Variants in KIF19 observed in about 807,000 individuals in gnomAD.
KIF19 encodes the protein kinesin-like protein KIF19.
KIF19 carries 98 observed loss-of-function variants against 106.6 expected under a neutral mutation model. The ratio of observed to expected loss-of-function variants is 0.92; its 90% confidence interval spans 0.78 to 1.09. KIF19 has a LOEUF of 1.09. Ranked by LOEUF, KIF19 falls within the 50% of genes least tolerant of loss-of-function variation. The pLI, the probability that KIF19 is intolerant of heterozygous loss-of-function variation, is 0.00. For missense variants in KIF19, 1,373 were observed against 1,414.3 expected, an observed-to-expected ratio of 0.97 and a Z score of 0.47; for synonymous variants, 516 against 584.2, an observed-to-expected ratio of 0.88 and a Z score of 1.68.
At chr17:74,333,779 C>T (rs535340155) in intron 2 of KIF19, among the ~76,000 whole-genome samples, 6 of 151,584 alleles carry the variant, frequency 4.0e-5, no homozygotes, top group Admixed American at 1.3e-4. Context: ...CTGTGCCTGG[C>T]TGGTCCTAAT....
intron 7 of KIF19, among the ~76,000 whole-genome samples, chr17:74,345,478 C>T (rs1232729507): frequency 1.3e-5 from 2 of 152,122 alleles, no homozygotes; most frequent in East Asian, 3.9e-4. Context: ...TCTTTGTCCC[C>T]TCTCATGAAG....
In KIF19 at chr17:74,351,957, C is replaced by T. The variant is rs749841125; in HGVS notation, c.1678C>T (p.Arg560Cys). The T allele has an allele frequency of 4.6e-5, 70 of 1,506,330 alleles. No individual in the cohort carries two copies. The highest frequency in any genetic ancestry group is 2.8e-4 in the South Asian group (23 of 80,912). 93.3% of individuals were successfully genotyped at this position (1,506,330 alleles called of 1,614,324 possible). A position where few individuals can be genotyped will look rare whatever the true frequency, so the allele number is the denominator to read the frequency against. ...GCGGCGCATCGGCTCCGAGGAGCAG[C>T]GCGAGGTGCTCAGCCTGCTGTGCCG... ...LPRRIGSEEQ[R>C]EVLSLLCRVH... The change falls in exon 13 of 20, where the codon CGC (arginine) becomes TGC (cysteine). Residue 560 changes from arginine to cysteine, a missense_variant. Arg to Cys is a radical substitution (Grantham distance 180). Transcript: ENST00000389916.
Position 74,343,167 on chromosome 17 carries a change from C to T in KIF19, c.456+7C>T. ...CTCCATGTCCTACCTGGAGGTGAGT[C>T]CCCCAGCCTAGGCTCAGATGGGGCT... On this transcript the variant is annotated splice_region_variant and intron_variant, in intron 5 of 19. Coordinates refer to ENST00000389916, the MANE Select transcript of KIF19 (RefSeq NM_153209.4). 1 of 1,611,304 alleles carries T rather than the reference C, an allele frequency of 6.2e-7. No homozygotes were observed. The highest frequency in any genetic ancestry group is 8.5e-7 in the Non-Finnish European group (1 of 1,179,432).
At chr17:74,352,480 T>C (rs1028706226) in intron 14 of KIF19, 140 bp downstream of exon 14, 2 of 1,134,686 alleles carry the variant, frequency 1.8e-6, no homozygotes, top group Admixed American at 5.7e-5. Flanking sequence ...CTTTCCTTCT[T>C]ACCCCACCCA....
intron 2 of KIF19, among the ~76,000 whole-genome samples, chr17:74,332,159 G>A (rs553007348): frequency 4.7e-5 from 7 of 148,974 alleles, no homozygotes; most frequent in East Asian, 2.0e-4. Flanking sequence ...CACTCAGGAC[G>A]GTTCCCAAAT....
rs116883562 is a variant in KIF19, at chr17:74,346,464, C to G, written c.864C>G (p.Ser288Arg). The G allele has an allele frequency of 2.6e-6, 4 of 1,556,202 alleles. No individual in the cohort carries two copies. The highest frequency in any genetic ancestry group is 2.7e-5 in the African/African-American group (2 of 73,158). The part of the protein sequence containing the change: ...LALGNCINAL[S>R]DKGSNKYINY... ...TGGGCAACTGCATCAACGCCCTGAGCGACAAGGGTAGCAACAAGTACATCA... is the reference window on the plus strand; with the variant it reads ...TGGGCAACTGCATCAACGCCCTGAGGGACAAGGGTAGCAACAAGTACATCA... Residue 288 changes from serine (S) to arginine (R), a missense_variant, in exon 8 of 20, where the codon AGC (serine) becomes AGG (arginine). This residue lies in a region of KIF19 where 1,020 missense variants were observed against 1,008.2 expected (regional missense o/e 1.01). Transcript: ENST00000389916. This position sits in a 1 kb window ranked among gnomAD's most constrained non-coding sequence, Gnocchi z 4.6.
In KIF19 at chr17:74,354,838, C is replaced by T. The variant is rs1187131452; in HGVS notation, c.2763C>T (p.Asp921=). The change falls in exon 19 of 20, where the codon GAC becomes GAT. Residue 921 remains aspartate (D), a synonymous_variant. Coordinates refer to ENST00000389916, the MANE Select transcript of KIF19 (RefSeq NM_153209.4). ...LGPHQAERIS[D]HRMPVCRHPA... ...CCCATCAGGCGGAGCGCATCTCGGA[C>T]CACAGGATGCCAGTGTGCAGGCACC... 3 of 1,561,152 alleles carry T rather than the reference C, an allele frequency of 1.9e-6. No individual in the cohort carries two copies. The highest frequency in any genetic ancestry group is 2.6e-6 in the Non-Finnish European group (3 of 1,153,026).
intron 2 of KIF19, among the ~76,000 whole-genome samples, chr17:74,339,199 G>T (rs2054292564): frequency 6.6e-6 from 1 of 152,018 alleles, no homozygotes; most frequent in African/African-American, 2.4e-5. Flanking sequence ...ACCCCACAAG[G>T]CCCCTCGTGG....
At chr17:74,332,895 G>A (rs1052343432) in intron 2 of KIF19, among the ~76,000 whole-genome samples, 1 of 152,226 alleles carries the variant, frequency 6.6e-6, no homozygotes, top group Non-Finnish European at 1.5e-5. Flanking sequence ...CTCTCCCTGG[G>A]CCTCTGCTTC....
At chr17:74,342,975 C>T in intron 4 of KIF19, 49 bp from the exon 5 acceptor site, 1 of 1,535,886 alleles carries the variant, frequency 6.5e-7, no homozygotes, top group Non-Finnish European at 8.8e-7. Context: ...CCCAGCAAGG[C>T]CTCCCTCCCA....
Position 74,344,139 on chromosome 17 carries a change from C to T in KIF19, c.457-84C>T, listed in dbSNP as rs1057443622. 39 of 1,325,446 alleles carry T rather than the reference C, an allele frequency of 2.9e-5. No homozygotes were observed. In the Middle Eastern group the frequency reaches 7.5e-4, roughly 26 times the overall value. The allele number at this position is 1,325,446 out of a possible 1,614,324, so 82.1% of individuals were successfully genotyped here. ...GGTGAACTCTTGTCCCTTTCCTGCA[C>T]GAAAGGAAAGGGGACTCAGCCCTGG... On this transcript the variant is annotated intron_variant, in intron 5 of 19. Transcript: ENST00000389916.
chr17:74,340,621 G>A (rs371407774), intron 2 of KIF19, among the ~76,000 whole-genome samples: 5 of 151,912 alleles, frequency 3.3e-5, no homozygotes, highest in African/African-American at 9.7e-5. Flanking sequence ...GCTGGGATTG[G>A]CCCACCCATG....
Position 74,344,820 on chromosome 17 carries a change from C to A in KIF19, c.642C>A (p.Asn214Lys), listed in dbSNP as rs774170996. The stretch of plus-strand genomic sequence containing the variant: ...GGACCCAGGAGCCCACGGCCGCCAA[C>A]CAGACGTCCTCCCGCTCCCACGCGG... Reference protein sequence around the residue: ...RQRTQEPTAANQTSSRSHAVL... With the variant: ...RQRTQEPTAAKQTSSRSHAVL... Residue 214 changes from asparagine to lysine, a missense_variant, in exon 7 of 20, where the codon AAC becomes AAA. Around this residue, in one of 3 missense-constraint regions of KIF19, gnomAD observed 348 missense variants for 389.5 expected, o/e 0.89. Coordinates refer to ENST00000389916, the MANE Select transcript of KIF19 (RefSeq NM_153209.4). 6.2e-7 allele frequency: 1 copy of A among 1,612,400 alleles called. No homozygotes were observed. The highest frequency in any genetic ancestry group is 1.1e-5 in the South Asian group (1 of 91,064).
At position 74,354,876 on chromosome 17, in the gene KIF19, T is replaced by C; in HGVS notation, c.2801T>C (p.Ile934Thr). ...MPVCRHPAPG[I>T]RHLGKVTLPL... ...GTGTGCAGGCACCCAGCCCCTGGTATCCGGCATCTGGGAAAGGTCACGCTA... is the reference window on the plus strand; with the variant it reads ...GTGTGCAGGCACCCAGCCCCTGGTACCCGGCATCTGGGAAAGGTCACGCTA... The change falls in exon 19 of 20, where the codon ATC becomes ACC. Residue 934 changes from isoleucine (I) to threonine (T), a missense_variant. Ile to Thr is a moderately conservative substitution (Grantham distance 89). Coordinates refer to ENST00000389916, the MANE Select transcript of KIF19 (RefSeq NM_153209.4). 1 of 1,567,932 alleles carries C rather than the reference T, an allele frequency of 6.4e-7. No individual in the cohort carries two copies. Among genetic ancestry groups the C allele is most frequent in the Non-Finnish European group, 8.6e-7 (1 of 1,156,812 alleles).
chr17:74,354,359 A>G lies in KIF19; in HGVS notation c.2506A>G (p.Thr836Ala). The change falls in exon 18 of 20, where the codon ACA becomes GCA. Residue 836 changes from threonine (T) to alanine (A), a missense_variant. Thr to Ala is a moderately conservative substitution (Grantham distance 58, BLOSUM62 0). Around this residue, in one of 3 missense-constraint regions of KIF19, gnomAD observed 1,020 missense variants for 1,008.2 expected, o/e 1.01. Transcript: ENST00000389916. ...PLACKRPPSP[T>A]LQHAASEDNL... ...GGCCTGCAAGCGGCCGCCCAGCCCC[A>G]CACTACAGCATGCTGCCAGTGAGGA... is the stretch of plus-strand genomic sequence containing the variant. 6.2e-7 allele frequency: 1 copy of G among 1,607,160 alleles called. No homozygotes were observed. The highest frequency in any genetic ancestry group is 8.5e-7 in the Non-Finnish European group (1 of 1,177,454).
At chr17:74,342,518 G>A in intron 3 of KIF19, 112 bp from the exon 4 acceptor site, 1 of 774,696 alleles carries the variant, frequency 1.3e-6, no homozygotes, top group Non-Finnish European at 2.2e-6. Context: ...TTATCTTGGG[G>A]CTGGGGCTCC....
rs756006087 is a variant in KIF19, at chr17:74,354,225, G to A, written c.2372G>A (p.Arg791Gln). 9.9e-6 allele frequency: 16 copies of A among 1,608,778 alleles called. No homozygotes were observed. Among genetic ancestry groups the A allele is most frequent in the Middle Eastern group, 3.3e-4 (2 of 6,064 alleles). Residue 791 changes from arginine to glutamine, a missense_variant, in exon 18 of 20, where the codon CGG becomes CAG. This residue lies in a region of KIF19 where 1,020 missense variants were observed against 1,008.2 expected (regional missense o/e 1.01). Coordinates refer to ENST00000389916, the MANE Select transcript of KIF19 (RefSeq NM_153209.4). ...GTGAAGGCCGCCCGGCGGCGCTCGCGGGCCCTGGGAACCGAGGGGCGACAC... is the reference window on the plus strand; with the variant it reads ...GTGAAGGCCGCCCGGCGGCGCTCGCAGGCCCTGGGAACCGAGGGGCGACAC... Reference protein sequence around the residue: ...IWVKAARRRSRALGTEGRHLL... With the variant: ...IWVKAARRRSQALGTEGRHLL...
At chr17:74,349,088 TG>T in intron 9 of KIF19, 95 bp from the exon 10 acceptor site, 1 of 1,280,746 alleles carries the variant, frequency 7.8e-7, no homozygotes. Context: ...CCAGAAAGAC[TG>T]GGGGAGGCAG....
Position 74,355,351 on chromosome 17 carries a change from C to T in KIF19, c.*39C>T. The stretch of plus-strand genomic sequence containing the variant: ...GAACTGGCTCTCTCACCTCCCAAGA[C>T]TGAATGGGGTCTAGCAGGGCATGGG... On this transcript the variant is annotated 3_prime_UTR_variant, in exon 20 of 20. Transcript: ENST00000389916. 1.3e-6 allele frequency: 2 copies of T among 1,563,242 alleles called. No individual in the cohort carries two copies. The highest frequency in any genetic ancestry group is 1.7e-6 in the Non-Finnish European group (2 of 1,156,552).
Sources: allele counts gnomAD v4.1 joint callset (sites outside exome capture counted in the v4.1 genomes callset), GRCh38; gene constraint gnomAD v4.1.1; regional missense constraint gnomAD v4.1.1; non-coding constraint Gnocchi (gnomAD v3.1); transcripts MANE v1.5; gene names NCBI Gene and HGNC (gene_info 2026-07-23, HGNC 2026-07-21).